Variants in SCARA5 observed in about 807,000 individuals in gnomAD.
SCARA5 encodes the protein scavenger receptor class A, member 5 (putative).
In SCARA5, 45 loss-of-function variants were observed where a neutral mutation model predicts 46.3. The observed-to-expected ratio is 0.97, with a 90% CI of 0.76 to 1.24. The LOEUF is 1.24. Ranked by LOEUF, SCARA5 falls within the 50% of genes most tolerant of loss-of-function variation. SCARA5 has a pLI of 0.00. For missense variants in SCARA5, 680 were observed against 689.0 expected (o/e 0.99, Z 0.15); for synonymous variants, 333 against 306.5 (o/e 1.09, Z -0.90).
intron 7 of SCARA5, among the ~76,000 whole-genome samples, chr8:27,892,816 C>T (rs1158173128): frequency 6.6e-6 from 1 of 152,124 alleles, no homozygotes. Flanking sequence ...CCGTGTTAGA[C>T]AGGATGGTCT....
chr8:27,921,575 C>A lies in SCARA5; in HGVS notation c.912G>T (p.Ala304=). The A allele has an allele frequency of 6.5e-7, 1 of 1,547,092 alleles. No individual in the cohort carries two copies. Among genetic ancestry groups the A allele is most frequent in the Non-Finnish European group, 8.8e-7 (1 of 1,142,546 alleles). The change falls in exon 4 of 9, where the codon GCG becomes GCT. Residue 304 remains alanine, a synonymous_variant. Transcript: ENST00000354914. ...HSIALRNISL[A]KGPPGPKGDQ... ...GCAGCAAGGGCCTGGCGGTACCTTTCGCGAGGGAGATGTTCCGCAGTGCGA... is the reference window on the plus strand; with the variant it reads ...GCAGCAAGGGCCTGGCGGTACCTTTAGCGAGGGAGATGTTCCGCAGTGCGA...
chr8:27,984,206 G>T (rs989077791), intron 2 of SCARA5, among the ~76,000 whole-genome samples: 4 of 151,996 alleles, frequency 2.6e-5, no homozygotes, highest in Non-Finnish European at 5.9e-5. Context: ...TTCTAAAACA[G>T]ATCAAATCTG....
intron 1 of SCARA5, among the ~76,000 whole-genome samples, chr8:27,992,008 A>G (rs1808794217): frequency 6.6e-6 from 1 of 152,318 alleles, no homozygotes; most frequent in South Asian, 2.1e-4. Flanking sequence ...CACCAAGGCA[A>G]TAGCTTCCCT....
chr8:27,920,681 G>A (rs1807568883), intron 4 of SCARA5, among the ~76,000 whole-genome samples: 1 of 151,286 alleles, frequency 6.6e-6, no homozygotes, highest in Non-Finnish European at 1.5e-5. Flanking sequence ...GCATGGCAGT[G>A]TGCACCTGTA....
intron 3 of SCARA5, among the ~76,000 whole-genome samples, chr8:27,949,109 G>C (rs1313257730): frequency 1.3e-5 from 2 of 152,212 alleles, no homozygotes; most frequent in Admixed American, 1.3e-4. Context: ...GTGGTGTGGT[G>C]GACAGAACAG....
At chr8:27,879,533 C>A in intron 8 of SCARA5, 36 bp downstream of exon 8, 1 of 1,567,314 alleles carries the variant, frequency 6.4e-7, no homozygotes. Context: ...ATGTGCAGGC[C>A]CTCTCCTCAT....
At chr8:27,875,072 G>A (rs1261253439) in intron 8 of SCARA5, among the ~76,000 whole-genome samples, 1 of 152,156 alleles carries the variant, frequency 6.6e-6, no homozygotes, top group African/African-American at 2.4e-5. Context: ...GTCAGGGCTT[G>A]GAGACAGGGA....
At chr8:27,897,743 GC>G (rs1807088342) in intron 7 of SCARA5, among the ~76,000 whole-genome samples, 1 of 152,198 alleles carries the variant, frequency 6.6e-6, no homozygotes, top group African/African-American at 2.4e-5. Context: ...CGTGTGAAAT[GC>G]CCCCACTAGA....
At position 27,921,807 on chromosome 8, in the gene SCARA5, A is replaced by C; in HGVS notation, c.680T>G (p.Leu227Arg). 6.4e-7 allele frequency: 1 copy of C among 1,557,966 alleles called. No homozygotes were observed. Among genetic ancestry groups the C allele is most frequent in the Non-Finnish European group, 8.6e-7 (1 of 1,156,974 alleles). Reference sequence around the variant, plus strand: ...GGACAGGCTGTGGTTGAGGCCGCGCAGCACGCCGCCCACGTCGGCCAGCTC... The same window carrying C: ...GGACAGGCTGTGGTTGAGGCCGCGCCGCACGCCGCCCACGTCGGCCAGCTC... ...GEELADVGGVLRGLNHSLSYD... is the reference protein window; with the variant it reads ...GEELADVGGVRRGLNHSLSYD... Residue 227 changes from leucine (L) to arginine (R), a missense_variant, in exon 4 of 9, where the codon CTG becomes CGG. By Grantham distance (102) the Leu-to-Arg change is moderately radical. This residue lies in a region of SCARA5 where 438 missense variants were observed against 384.5 expected (regional missense o/e 1.14). Coordinates refer to ENST00000354914, the MANE Select transcript of SCARA5 (RefSeq NM_173833.6).
intron 2 of SCARA5, among the ~76,000 whole-genome samples, chr8:27,966,985 G>A (rs998877332): frequency 2.6e-4 from 40 of 152,210 alleles, no homozygotes; most frequent in Non-Finnish European, 3.1e-4. Context: ...GGGCCCAGTG[G>A]GACTGTGGGG....
chr8:27,965,070 G>A (rs1408471712), intron 3 of SCARA5, among the ~76,000 whole-genome samples: 1 of 152,108 alleles, frequency 6.6e-6, no homozygotes, highest in East Asian at 1.9e-4. Context: ...TGGTCCCAGG[G>A]ATGAATAATG....
At chr8:27,966,124 G>A (rs866137945) in intron 3 of SCARA5, among the ~76,000 whole-genome samples, 2 of 152,144 alleles carry the variant, frequency 1.3e-5, no homozygotes, top group Non-Finnish European at 2.9e-5. Context: ...GGCCCAGGGA[G>A]GCCCAGTGTA....
intron 3 of SCARA5, among the ~76,000 whole-genome samples, chr8:27,934,806 T>G (rs920390470): frequency 1.3e-5 from 2 of 152,172 alleles, no homozygotes; most frequent in African/African-American, 4.8e-5. Flanking sequence ...TCTTTTCATC[T>G]CCAAAATGGG....
intron 2 of SCARA5, among the ~76,000 whole-genome samples, chr8:27,977,130 G>A (rs1173850690): frequency 6.6e-6 from 1 of 152,220 alleles, no homozygotes; most frequent in Non-Finnish European, 1.5e-5. Context: ...GCAAGAGAGT[G>A]AGGGAGCCGC....
intron 2 of SCARA5, among the ~76,000 whole-genome samples, chr8:27,967,722 G>A (rs1443688946): frequency 1.3e-5 from 2 of 152,120 alleles, no homozygotes; most frequent in East Asian, 3.9e-4. Context: ...ACACCAGCCT[G>A]GCCAATATGG....
chr8:27,876,204 TA>T (rs1234698392), intron 8 of SCARA5, among the ~76,000 whole-genome samples: 1 of 152,170 alleles, frequency 6.6e-6, no homozygotes, highest in Admixed American at 6.5e-5. Context: ...CTTTAGCATT[TA>T]TAGTAATTCT....
chr8:27,938,363 A>AT (rs1807890334), intron 3 of SCARA5, among the ~76,000 whole-genome samples: 2 of 151,072 alleles, frequency 1.3e-5, no homozygotes, highest in Non-Finnish European at 3.0e-5. Context: ...AATAAAAAAA[A>AT]ATCTTGTGGG....
chr8:27,900,874 C>G (rs7002838), intron 7 of SCARA5, among the ~76,000 whole-genome samples: 9,641 of 144,488 alleles, frequency 0.067, 546 homozygotes, highest in African/African-American at 0.15. Flanking sequence ...CTGAAAAAAA[C>G]CTTTATCTCT....
intron 3 of SCARA5, among the ~76,000 whole-genome samples, chr8:27,963,204 T>C (rs931196506): frequency 3.3e-5 from 5 of 152,146 alleles, no homozygotes; most frequent in Non-Finnish European, 7.3e-5. Flanking sequence ...AGAAGAGCCA[T>C]AGGTAAGACT....
Sources: allele counts gnomAD v4.1 joint callset (sites outside exome capture counted in the v4.1 genomes callset), GRCh38; gene constraint gnomAD v4.1.1; regional missense constraint gnomAD v4.1.1; transcripts MANE v1.5; gene names NCBI Gene and HGNC (gene_info 2026-07-23, HGNC 2026-07-21).